The following TMEM272 variants were observed in gnomAD, a reference collection of about 807,000 sequenced individuals.
TMEM272 encodes transmembrane protein 272.
In TMEM272, 8 loss-of-function variants were observed where a neutral mutation model predicts 3.7. The observed-to-expected ratio is 2.17, with a 90% CI of 1.27 to 3.91. The LOEUF (loss-of-function observed/expected upper bound fraction) is 3.91, where lower values mean the gene tolerates loss of function less well. Among genes scored for constraint, TMEM272 ranks in the 30% most tolerant of loss-of-function variants. The pLI is 0.00. For synonymous variants in TMEM272, 63 were observed against 39.8 expected (o/e 1.58, Z -2.20); for missense variants, 166 against 91.5 (o/e 1.81, Z -3.32).
At chr13:51,866,058 C>T in the TMEM272 span, 2 of 1,586,944 alleles carry the variant, frequency 1.3e-6, no homozygotes, top group East Asian at 2.2e-5. Flanking sequence ...CGCTTGCTGG[C>T]CTTCTCCCGA....
At chr13:51,881,189 G>A in the TMEM272 span, among the ~76,000 whole-genome samples, 1 of 152,172 alleles carries the variant, frequency 6.6e-6, no homozygotes, top group African/African-American at 2.4e-5. Context: ...CACATGCTGA[G>A]GCTCTTACTG....
At chr13:51,914,043 C>A in the TMEM272 span, among the ~76,000 whole-genome samples, 1 of 152,200 alleles carries the variant, frequency 6.6e-6, no homozygotes, top group Non-Finnish European at 1.5e-5. Flanking sequence ...TCTGTTCAGC[C>A]CTCTGCAGGT....
At chr13:51,857,738 T>C in the TMEM272 span, among the ~76,000 whole-genome samples, 20 of 152,034 alleles carry the variant, frequency 1.3e-4, no homozygotes. Context: ...AGAAAAAACA[T>C]GGTAAGAAAA....
chr13:51,847,809 TCAAAA>T (rs1388704421), upstream of TMEM272, among the ~76,000 whole-genome samples: 3 of 152,050 alleles, frequency 2.0e-5, no homozygotes, highest in African/African-American at 7.2e-5. Context: ...AGCCCTGACA[TCAAAA>T]CAAACAAAAT....
the TMEM272 span, chr13:51,909,195 T>C: frequency 7.5e-7 from 1 of 1,331,264 alleles, no homozygotes; most frequent in Non-Finnish European, 1.1e-6. Flanking sequence ...AGCATTTTCT[T>C]TCCTTAAATC....
chr13:51,852,440 G>A, the TMEM272 span, among the ~76,000 whole-genome samples: 1 of 152,218 alleles, frequency 6.6e-6, no homozygotes, highest in Non-Finnish European at 1.5e-5. Flanking sequence ...CCTGCTTCCA[G>A]GGCATGATTC....
intron 3 of TMEM272, among the ~76,000 whole-genome samples, chr13:51,824,856 G>C (rs887523218): frequency 2.6e-5 from 4 of 152,238 alleles, no homozygotes; most frequent in Non-Finnish European, 4.4e-5. Flanking sequence ...AGGAGGCTGA[G>C]GCACAAGAAT....
chr13:51,873,046 G>A, the TMEM272 span, among the ~76,000 whole-genome samples: 1 of 152,168 alleles, frequency 6.6e-6, no homozygotes, highest in Non-Finnish European at 1.5e-5. Flanking sequence ...GACAGCTGTG[G>A]CCCAGGCCCA....
the TMEM272 span, among the ~76,000 whole-genome samples, chr13:51,862,447 T>C: frequency 7.9e-5 from 12 of 152,378 alleles, no homozygotes; most frequent in South Asian, 2.5e-3. Context: ...TGGTTCTTAT[T>C]TTCTTTCTTT....
rs1026346953 is a variant in TMEM272 at position 51,816,714 on chromosome 13, C to T, written c.*37G>A. On this transcript the variant is annotated 3_prime_UTR_variant, in exon 5 of 5. Coordinates refer to ENST00000629372, the MANE Select transcript of TMEM272 (RefSeq NM_001351003.2). ...CTGTGTGCACGCGCGTGCATGCACA[C>T]GCATATGCATACATGGTATGCTGGA... is the stretch of plus-strand genomic sequence containing the variant. The T allele has an allele frequency of 1.5e-5, 10 of 671,156 alleles. No individual in the cohort carries two copies. Among genetic ancestry groups the T allele is most frequent in the South Asian group, 9.6e-5 (6 of 62,564 alleles). 41.6% of individuals were successfully genotyped at this position (671,156 alleles called of 1,614,324 possible). A position where few individuals can be genotyped will look rare whatever the true frequency, so the allele number is the denominator to read the frequency against.
chr13:51,915,253 C>T, the TMEM272 span, among the ~76,000 whole-genome samples: 1 of 152,168 alleles, frequency 6.6e-6, no homozygotes, highest in Admixed American at 6.5e-5. Flanking sequence ...AGAAATGTTT[C>T]ATTATCGATA....
chr13:51,847,121 G>A (rs544422760), upstream of TMEM272, among the ~76,000 whole-genome samples: 8 of 152,184 alleles, frequency 5.3e-5, no homozygotes, highest in South Asian at 4.1e-4. Context: ...TATTTTCTAC[G>A]TTTAGATACA....
the TMEM272 span, among the ~76,000 whole-genome samples, chr13:51,913,046 T>G: frequency 1.3e-5 from 2 of 152,226 alleles, no homozygotes; most frequent in African/African-American, 4.8e-5. Flanking sequence ...GGGCAAAGCC[T>G]GTTAATTCAC....
the TMEM272 span, among the ~76,000 whole-genome samples, chr13:51,922,820 T>C: frequency 2.6e-5 from 4 of 152,172 alleles, no homozygotes; most frequent in Non-Finnish European, 5.9e-5. Context: ...CCTGCCTCCA[T>C]CTCCAATCGC....
chr13:51,860,389 C>G, the TMEM272 span, among the ~76,000 whole-genome samples: 4 of 152,088 alleles, frequency 2.6e-5, no homozygotes, highest in South Asian at 6.2e-4. Context: ...CCTATAATCC[C>G]AACAGTTTGG....
chr13:51,925,964 G>A, the TMEM272 span, among the ~76,000 whole-genome samples: 1 of 152,100 alleles, frequency 6.6e-6, no homozygotes, highest in South Asian at 2.1e-4. Context: ...TGTGCATGAG[G>A]TATGTGTGTT....
At chr13:51,826,787 C>T (rs1956129353) in intron 2 of TMEM272, among the ~76,000 whole-genome samples, 162 bp from the exon 3 acceptor site, 1 of 152,252 alleles carries the variant, frequency 6.6e-6, no homozygotes, top group Non-Finnish European at 1.5e-5. Flanking sequence ...GGCTCCCACA[C>T]AGTGGATGCA....
the TMEM272 span, chr13:51,910,336 AT>A: frequency 7.8e-7 from 1 of 1,284,416 alleles, no homozygotes; most frequent in East Asian, 2.3e-5. Context: ...ACAAGGCTAA[AT>A]TTTTCAAGTA....
intron 2 of TMEM272, among the ~76,000 whole-genome samples, chr13:51,834,855 C>T (rs1224063877): frequency 6.6e-6 from 1 of 152,234 alleles, no homozygotes; most frequent in African/African-American, 2.4e-5. Flanking sequence ...ACACGCTGCA[C>T]ATGTATTCAT....
Sources: gnomAD v4.1 joint callset for allele counts (sites outside exome capture counted in the v4.1 genomes callset) on GRCh38, gnomAD v4.1.1 for gene constraint, MANE v1.5 for transcripts, NCBI Gene and HGNC (gene_info 2026-07-23, HGNC 2026-07-21) for gene names.